Variants in OSBPL3 observed in about 807,000 individuals in gnomAD.
OSBPL3 encodes the protein oxysterol binding protein like 3, also known as oxysterol-binding protein-related protein 3.
OSBPL3 carries 65 observed loss-of-function variants against 120.1 expected under a neutral mutation model. The ratio of observed to expected loss-of-function variants is 0.54; its 90% CI spans 0.44 to 0.67. The LOEUF (loss-of-function observed/expected upper bound fraction) is 0.67, where lower values mean the gene tolerates loss of function less well. Among genes scored for constraint, OSBPL3 ranks in the 30% least tolerant of loss-of-function variants. The pLI, the probability that OSBPL3 is intolerant of heterozygous loss-of-function variation, is 0.00. For synonymous variants in OSBPL3, 416 were observed against 402.6 expected (o/e 1.03, Z -0.40); for missense variants, 1,004 against 1,082.1 (o/e 0.93, Z 1.01).
At position 24,933,074 on chromosome 7, in the gene OSBPL3, A is replaced by C. The variant is rs978821935; in HGVS notation, c.-149-40453T>G. Among the ~76,000 whole-genome samples the C allele has an allele frequency of 1.3e-5, 2 of 152,244 alleles. No homozygotes were observed. The highest frequency in any genetic ancestry group is 4.8e-5 in the African/African-American group (2 of 41,468). On this transcript the variant is annotated intron_variant, in intron 1 of 22. Transcript: ENST00000313367. The surrounding 1 kb of genome is among the most constrained non-coding windows in gnomAD (Gnocchi z 5.1). ...GAAGGGCTGCTGCCCAAAATAGTTTAATAAGGCCAGCAGTGATTCAGAGAG... is the reference window on the plus strand; with the variant it reads ...GAAGGGCTGCTGCCCAAAATAGTTTCATAAGGCCAGCAGTGATTCAGAGAG...
In OSBPL3 at chr7:24,918,149, CTT is replaced by C; in HGVS notation, c.-149-25530_-149-25529del. Reference sequence around the variant, plus strand: ...CAGCCAGTAATGACACCTGGATACTCTTTGTTTACAGTTTCATGTACAGACCT... The same window carrying C: ...CAGCCAGTAATGACACCTGGATACTCTGTTTACAGTTTCATGTACAGACCT... On this transcript the variant is annotated intron_variant, in intron 1 of 22. Transcript: ENST00000313367. This position sits in a 1 kb window ranked among gnomAD's most constrained non-coding sequence, Gnocchi z 4.3. 3.6e-5 allele frequency: 29 copies of C among 802,422 alleles called. No individual in the cohort carries two copies. The highest frequency in any genetic ancestry group is 4.4e-5 in the Non-Finnish European group (29 of 663,004). The allele number at this position is 802,422 out of a possible 1,614,324, so 49.7% of individuals were successfully genotyped here. A position where few individuals can be genotyped will look rare whatever the true frequency, so the allele number is the denominator to read the frequency against.
chr7:24,928,913 C>T (rs556880026), intron 1 of OSBPL3, among the ~76,000 whole-genome samples: 2 of 152,202 alleles, frequency 1.3e-5, no homozygotes, highest in African/African-American at 4.8e-5. Context: ...TGTTCACCAG[C>T]TGATGAACAT....
At chr7:24,861,347 C>T (rs1445308902) in intron 10 of OSBPL3, among the ~76,000 whole-genome samples, 1 of 152,082 alleles carries the variant, frequency 6.6e-6, no homozygotes, top group African/African-American at 2.4e-5. Context: ...AGAAAATTAC[C>T]AATTTACACT....
chr7:24,917,399 A>ATATATATAT (rs1194293107), intron 1 of OSBPL3, among the ~76,000 whole-genome samples: 13 of 42,978 alleles, frequency 3.0e-4, no homozygotes, highest in African/African-American at 1.1e-3. Flanking sequence ...ATATATTTGT[A>ATATATATAT]ACATATATAT....
Position 24,815,355 on chromosome 7 carries a change from G to A in OSBPL3, c.2028-152C>T. 1.5e-6 allele frequency: 1 copy of A among 645,560 alleles called. No individual in the cohort carries two copies. Among genetic ancestry groups the A allele is most frequent in the Non-Finnish European group, 2.7e-6 (1 of 373,690 alleles). 40.0% of individuals were successfully genotyped at this position (645,560 alleles called of 1,614,324 possible). ...ACTGGCTAAGTGTCTATGTCACACTGGATGTTCTAGGAGCTTCCACTCTCC... is the reference window on the plus strand; with the variant it reads ...ACTGGCTAAGTGTCTATGTCACACTAGATGTTCTAGGAGCTTCCACTCTCC... On this transcript the variant is annotated intron_variant, in intron 18 of 22. Coordinates refer to ENST00000313367, the MANE Select transcript of OSBPL3 (RefSeq NM_015550.4). The surrounding 1 kb of genome is among the most constrained non-coding windows in gnomAD (Gnocchi z 5.1).
At position 24,849,809 on chromosome 7, in the gene OSBPL3, G is replaced by C. The variant is rs1798915373; in HGVS notation, c.1159-633C>G. Among the ~76,000 whole-genome samples, 1 of 152,050 alleles carries C rather than the reference G, an allele frequency of 6.6e-6. No individual in the cohort carries two copies. The highest frequency in any genetic ancestry group is 1.5e-5 in the Non-Finnish European group (1 of 68,014). ...TCTCTACCAAAAAATGCAAAAATTA[G>C]TTGGGCATGGTGGCACACACCTGTA... On this transcript the variant is annotated intron_variant, in intron 11 of 22. Coordinates refer to ENST00000313367, the MANE Select transcript of OSBPL3 (RefSeq NM_015550.4). The surrounding 1 kb of genome is among the most constrained non-coding windows in gnomAD (Gnocchi z 5.4).
At chr7:24,846,707 T>A (rs1041051588) in intron 12 of OSBPL3, among the ~76,000 whole-genome samples, 1 of 152,092 alleles carries the variant, frequency 6.6e-6, no homozygotes, top group South Asian at 2.1e-4. Flanking sequence ...TTAAAAAAGG[T>A]GGGCATTTTA....
intron 6 of OSBPL3, 138 bp from the exon 7 acceptor site, chr7:24,865,603 T>C: frequency 1.2e-6 from 1 of 801,604 alleles, no homozygotes; most frequent in Non-Finnish European, 2.0e-6. Context: ...TCTAGCAAAG[T>C]ACTAAGACCT....
At position 24,806,430 on chromosome 7, in the gene OSBPL3, A is replaced by G. The variant is rs1319236878; in HGVS notation, c.2444+346T>C. Among the ~76,000 whole-genome samples, 4 of 152,138 alleles carry G rather than the reference A, an allele frequency of 2.6e-5. No individual in the cohort carries two copies. Among genetic ancestry groups the G allele is most frequent in the Non-Finnish European group, 4.4e-5 (3 of 68,036 alleles). On this transcript the variant is annotated intron_variant, in intron 21 of 22. Transcript: ENST00000313367. The surrounding 1 kb of genome is among the most constrained non-coding windows in gnomAD (Gnocchi z 5.2). ...AGAATCAGCAGTTAGATCTCAGTGC[A>G]CCAAAATCATTTAAATTTGAGGGCT...
chr7:24,829,389 A>C (rs1796100291), intron 16 of OSBPL3, among the ~76,000 whole-genome samples: 1 of 152,210 alleles, frequency 6.6e-6, no homozygotes, highest in Non-Finnish European at 1.5e-5. Flanking sequence ...AGCTACTGAC[A>C]GTGTGCTTTG....
chr7:24,848,141 C>T (rs1452526575), intron 12 of OSBPL3, among the ~76,000 whole-genome samples: 3 of 152,340 alleles, frequency 2.0e-5, no homozygotes, highest in African/African-American at 7.2e-5. Flanking sequence ...TCAGCCTCAA[C>T]TCGCCTCACC....
At chr7:24,882,559 T>C (rs1803861511) in intron 2 of OSBPL3, among the ~76,000 whole-genome samples, 1 of 152,244 alleles carries the variant, frequency 6.6e-6, no homozygotes, top group South Asian at 2.1e-4. Flanking sequence ...AATAAACATA[T>C]GAGTGCAGGT....
At chr7:24,892,708 A>C in intron 1 of OSBPL3, 87 bp from the exon 2 acceptor site, 1 of 909,112 alleles carries the variant, frequency 1.1e-6, no homozygotes, top group Non-Finnish European at 1.5e-6. Flanking sequence ...GCTTAAACAT[A>C]CTACAGATTA....
chr7:24,870,298 T>G (rs891187044), intron 5 of OSBPL3, among the ~76,000 whole-genome samples: 4 of 152,218 alleles, frequency 2.6e-5, no homozygotes, highest in African/African-American at 9.6e-5. Context: ...CATTTTTCAC[T>G]ACAATATGAG....
Position 24,900,581 on chromosome 7 carries a change from T to G in OSBPL3, c.-149-7960A>C, listed in dbSNP as rs1454103561. On this transcript the variant is annotated intron_variant, in intron 1 of 22. Transcript: ENST00000313367. This position sits in a 1 kb window ranked among gnomAD's most constrained non-coding sequence, Gnocchi z 4.5. The stretch of plus-strand genomic sequence containing the variant: ...GCTTAGCTACTCCTTAATCAAGGTA[T>G]GGCAAGTACCAGACACATGTGCTTC... 6.6e-6 allele frequency among the ~76,000 whole-genome samples: 1 copy of G among 152,212 alleles called. No homozygotes were observed. The highest frequency in any genetic ancestry group is 2.4e-5 in the African/African-American group (1 of 41,462).
At chr7:24,950,792 G>C (rs1404798653) in intron 1 of OSBPL3, among the ~76,000 whole-genome samples, 4 of 152,144 alleles carry the variant, frequency 2.6e-5, no homozygotes, top group African/African-American at 9.6e-5. Flanking sequence ...TGAAATGAAA[G>C]AAAGAGGGTC....
At chr7:24,944,380 G>T (rs891616289) in intron 1 of OSBPL3, among the ~76,000 whole-genome samples, 17 of 152,060 alleles carry the variant, frequency 1.1e-4, no homozygotes, top group African/African-American at 3.6e-4. Context: ...TGTAATCCCA[G>T]CACTTTGGGA....
chr7:24,967,096 A>G lies in OSBPL3; in HGVS notation c.-150+12790T>C, dbSNP rs191256713. Among the ~76,000 whole-genome samples, 49 of 152,298 alleles carry G rather than the reference A, an allele frequency of 3.2e-4. 1 individual carries two copies. The East Asian group carries it at 8.7e-3, about 27-fold the overall frequency. On this transcript the variant is annotated intron_variant, in intron 1 of 22. Coordinates refer to ENST00000313367, the MANE Select transcript of OSBPL3 (RefSeq NM_015550.4). The surrounding 1 kb of genome is among the most constrained non-coding windows in gnomAD (Gnocchi z 5.6). ...AAATCTGTATTCACAGGTCATCTAC[A>G]TTATCTCAAATTTTTATGGTAATTT...
chr7:24,812,492 G>T (rs1793953887), intron 19 of OSBPL3, among the ~76,000 whole-genome samples: 2 of 152,018 alleles, frequency 1.3e-5, no homozygotes, highest in African/African-American at 4.8e-5. Flanking sequence ...CCAGCCCAGA[G>T]GATTTTATAC....
Sources: gnomAD v4.1 joint callset for allele counts (sites outside exome capture counted in the v4.1 genomes callset) on GRCh38, gnomAD v4.1.1 for gene constraint, Gnocchi (gnomAD v3.1) non-coding constraint, MANE v1.5 for transcripts, NCBI Gene and HGNC (gene_info 2026-07-23, HGNC 2026-07-21) for gene names.